The following OPCML variants were observed in gnomAD, a reference collection of about 807,000 sequenced individuals.
OPCML encodes the protein opioid binding protein/cell adhesion molecule like, also known as opioid-binding protein/cell adhesion molecule.
In OPCML, 13 loss-of-function variants were observed where a neutral mutation model predicts 37.8. That is an observed-to-expected ratio of 0.34 (90% confidence interval 0.22 to 0.55). OPCML has a LOEUF of 0.55. Among genes scored for constraint, OPCML ranks in the 20% least tolerant of loss-of-function variants. The probability of loss-of-function intolerance (pLI) is 0.91; values close to 1 mark genes in which losing one functional copy is unlikely to be tolerated. For synonymous variants in OPCML, 176 were observed against 168.8 expected (o/e 1.04, Z -0.33); for missense variants, 341 against 435.6 (o/e 0.78, Z 1.93).
intron 1 of OPCML, among the ~76,000 whole-genome samples, chr11:133,236,999 T>C (rs769961734): frequency 1.4e-4 from 22 of 152,178 alleles, no homozygotes; most frequent in Non-Finnish European, 3.2e-4. Context: ...AAAATGGCCT[T>C]ACTAAATAAA....
chr11:132,977,533 CAT>C (rs1230062712), intron 1 of OPCML, among the ~76,000 whole-genome samples: 4 of 152,216 alleles, frequency 2.6e-5, no homozygotes, highest in African/African-American at 9.7e-5. Context: ...CGCATTCACT[CAT>C]GTGGCTCATG....
intron 1 of OPCML, chr11:133,421,688 C>T: frequency 1.0e-6 from 1 of 985,246 alleles, no homozygotes; most frequent in Non-Finnish European, 1.2e-6. Flanking sequence ...TTGAAACTTG[C>T]CTTCCTTATT....
chr11:132,449,015 G>T (rs759464273), intron 4 of OPCML, among the ~76,000 whole-genome samples: 1 of 152,148 alleles, frequency 6.6e-6, no homozygotes, highest in Non-Finnish European at 1.5e-5. Context: ...GATAATCATG[G>T]CATTGATGGA....
At chr11:132,649,609 G>T (rs1277747954) in intron 3 of OPCML, among the ~76,000 whole-genome samples, 1 of 152,042 alleles carries the variant, frequency 6.6e-6, no homozygotes, top group Non-Finnish European at 1.5e-5. Flanking sequence ...CTTCATTCTT[G>T]ATTCCTTCTG....
At chr11:132,434,892 A>G (rs1462743878) in intron 7 of OPCML, among the ~76,000 whole-genome samples, 1 of 152,136 alleles carries the variant, frequency 6.6e-6, no homozygotes, top group Non-Finnish European at 1.5e-5. Flanking sequence ...ATTCTTTTCA[A>G]AGATGACCAA....
chr11:133,046,899 CTAA>C (rs1379151072), intron 1 of OPCML, among the ~76,000 whole-genome samples: 2 of 151,974 alleles, frequency 1.3e-5, no homozygotes, highest in Non-Finnish European at 2.9e-5. Context: ...AGGCATTGTT[CTAA>C]TAAGTTAGGA....
At chr11:133,521,669 T>A (rs1381758787) in intron 1 of OPCML, among the ~76,000 whole-genome samples, 1 of 152,220 alleles carries the variant, frequency 6.6e-6, no homozygotes, top group Non-Finnish European at 1.5e-5. Flanking sequence ...CTCTCCTCCA[T>A]GGGATAAAGC....
chr11:133,489,819 T>C (rs1947613260), intron 1 of OPCML, among the ~76,000 whole-genome samples: 1 of 148,688 alleles, frequency 6.7e-6, no homozygotes, highest in African/African-American at 2.5e-5. Context: ...GGAAAATGTG[T>C]GTGTGTGTGT....
intron 2 of OPCML, among the ~76,000 whole-genome samples, chr11:132,660,382 T>G (rs1218642745): frequency 6.6e-6 from 1 of 152,192 alleles, no homozygotes; most frequent in Admixed American, 6.5e-5. Flanking sequence ...AGCTGACAAA[T>G]CAATTAATTC....
intron 1 of OPCML, among the ~76,000 whole-genome samples, chr11:133,188,654 A>G (rs541478079): frequency 6.6e-6 from 1 of 152,328 alleles, no homozygotes; most frequent in Admixed American, 6.5e-5. Flanking sequence ...TGTTAAATGC[A>G]AAGAGTTTGG....
chr11:132,758,105 T>G (rs770789931), intron 2 of OPCML, among the ~76,000 whole-genome samples: 2 of 152,160 alleles, frequency 1.3e-5, no homozygotes, highest in Non-Finnish European at 2.9e-5. Flanking sequence ...GATCAGATGG[T>G]TATGGCTGTG....
intron 2 of OPCML, among the ~76,000 whole-genome samples, chr11:132,727,250 G>A (rs899236168): frequency 6.6e-6 from 1 of 152,166 alleles, no homozygotes; most frequent in African/African-American, 2.4e-5. Context: ...TAAGTGGATT[G>A]CAAACCCAGG....
chr11:133,311,562 C>T (rs1467005590), intron 1 of OPCML, among the ~76,000 whole-genome samples: 1 of 152,124 alleles, frequency 6.6e-6, no homozygotes, highest in Non-Finnish European at 1.5e-5. Context: ...GAAATAAACT[C>T]TAAATAGGAA....
intron 1 of OPCML, among the ~76,000 whole-genome samples, chr11:133,018,063 G>GTCTTC: frequency 6.6e-6 from 1 of 152,310 alleles, no homozygotes. Flanking sequence ...GCAGGAAGGT[G>GTCTTC]TCTTCTCAAG....
At chr11:132,980,107 C>T (rs184974313) in intron 1 of OPCML, among the ~76,000 whole-genome samples, 57 of 152,254 alleles carry the variant, frequency 3.7e-4, no homozygotes, top group Admixed American at 1.0e-3. Context: ...AAAAGAAATA[C>T]GGATGGCAAA....
chr11:133,483,820 G>A lies in OPCML; in HGVS notation c.61+48444C>T, dbSNP rs9667118. ...TGATAGATAGATAGATAGATAGATA[G>A]ATAGATAGGATGGATACATAGATGA... On this transcript the variant is annotated intron_variant, in intron 1 of 7. Transcript: ENST00000524381. Among the ~76,000 whole-genome samples, 19 of 149,640 alleles carry A rather than the reference G, an allele frequency of 1.3e-4. 1 individual carries two copies. Among genetic ancestry groups the A allele is most frequent in the African/African-American group, 4.4e-4 (18 of 40,484 alleles).
At chr11:132,885,156 A>G (rs1224731331) in intron 2 of OPCML, among the ~76,000 whole-genome samples, 60 of 152,166 alleles carry the variant, frequency 3.9e-4, no homozygotes, top group Admixed American at 3.9e-3. Context: ...ATGGCATAAG[A>G]CCTCTTCTTA....
At chr11:132,698,638 G>A (rs1943693780) in intron 2 of OPCML, among the ~76,000 whole-genome samples, 1 of 152,068 alleles carries the variant, frequency 6.6e-6, no homozygotes. Context: ...TTAGTTTGAT[G>A]CAATTCCATT....
chr11:133,475,814 C>A (rs762621392), intron 1 of OPCML, among the ~76,000 whole-genome samples: 1 of 152,176 alleles, frequency 6.6e-6, no homozygotes, highest in African/African-American at 2.4e-5. Context: ...ACAGGATAAA[C>A]TGAGTGTCTC....
Sources: allele counts gnomAD v4.1 joint callset (sites outside exome capture counted in the v4.1 genomes callset), GRCh38; gene constraint gnomAD v4.1.1; transcripts MANE v1.5; gene names NCBI Gene and HGNC (gene_info 2026-07-23, HGNC 2026-07-21).